CHN1: variants seen among roughly 807,000 people sequenced by gnomAD.
CHN1 encodes N-chimaerin.
A neutral mutation model predicts 59.5 loss-of-function variants in CHN1; 37 were observed. The ratio of observed to expected loss-of-function variants is 0.62; its 90% CI spans 0.48 to 0.82. The LOEUF (loss-of-function observed/expected upper bound fraction) is 0.82. CHN1 is among the 40% of genes least tolerant of loss of function. CHN1 has a pLI of 0.00. For missense variants in CHN1, 469 were observed against 571.0 expected (o/e 0.82, Z 1.82); for synonymous variants, 206 against 200.4 (o/e 1.03, Z -0.24).
chr2:174,952,857 T>C lies in CHN1; in HGVS notation c.20-655A>G, dbSNP rs144305231. Reference sequence around the variant, plus strand: ...CCCTCATGTTGCCTGAGTGCAGATGTAGGAGACAGTATAAATAGGAAGTGG... The same window carrying C: ...CCCTCATGTTGCCTGAGTGCAGATGCAGGAGACAGTATAAATAGGAAGTGG... On this transcript the variant is annotated intron_variant, in intron 1 of 12. Coordinates refer to ENST00000409900, the MANE Select transcript of CHN1 (RefSeq NM_001822.7). Among the ~76,000 whole-genome samples the C allele has an allele frequency of 7.0e-4, 107 of 152,240 alleles. 2 individuals are homozygous for C. The highest frequency in any genetic ancestry group is 3.4e-3 in the Middle Eastern group (1 of 292).
rs1426274175 is a variant in CHN1, at chr2:174,922,149, T to C, written c.115-3584A>G. On this transcript the variant is annotated intron_variant, in intron 3 of 12. Coordinates refer to ENST00000409900, the MANE Select transcript of CHN1 (RefSeq NM_001822.7). ...TCTAGTTTTAGTACAGAGCTTAGAG[T>C]GGGGTCAGGCAACTGCTTGAGAATA... Among the ~76,000 whole-genome samples, 3 of 152,158 alleles carry C rather than the reference T, an allele frequency of 2.0e-5. No homozygotes were observed. In the South Asian group the frequency reaches 6.2e-4, roughly 32 times the overall value.
intron 5 of CHN1, among the ~76,000 whole-genome samples, chr2:174,888,581 C>T (rs1687958637): frequency 6.6e-6 from 1 of 152,142 alleles, no homozygotes; most frequent in Non-Finnish European, 1.5e-5. Context: ...AAGAGAACTT[C>T]AGAAACCAGT....
At chr2:174,811,868 C>G (rs780205114) in intron 9 of CHN1, among the ~76,000 whole-genome samples, 15 of 152,240 alleles carry the variant, frequency 9.9e-5, no homozygotes, top group African/African-American at 3.6e-4. Flanking sequence ...ATCATAAATT[C>G]TTTTACATAA....
intron 7 of CHN1, among the ~76,000 whole-genome samples, chr2:174,846,148 C>A: frequency 6.6e-6 from 1 of 152,108 alleles, no homozygotes; most frequent in South Asian, 2.1e-4. Flanking sequence ...TGTTTAATCT[C>A]TGAATTAGAT....
rs1462699443 is a variant in CHN1, at chr2:174,842,702, G to T, written c.627+4178C>A. On this transcript the variant is annotated intron_variant, in intron 7 of 12. Coordinates refer to ENST00000409900, the MANE Select transcript of CHN1 (RefSeq NM_001822.7). ...GCCACTGCCGCCCTTCAGTTCACCA[G>T]ACAGCACAGTGTCCAGTCTGTTGGC... Among the ~76,000 whole-genome samples the T allele has an allele frequency of 2.0e-5, 3 of 152,210 alleles. No homozygotes were observed. The East Asian group carries it at 5.8e-4, about 29-fold the overall frequency.
At chr2:174,940,307 G>A (rs1361615366) in intron 3 of CHN1, among the ~76,000 whole-genome samples, 3 of 152,100 alleles carry the variant, frequency 2.0e-5, no homozygotes, top group African/African-American at 7.2e-5. Context: ...GATTATAGGC[G>A]TGAGCCGCCA....
At chr2:174,808,880 T>C (rs1684987545) in intron 11 of CHN1, 25 bp downstream of exon 11, 2 of 1,611,844 alleles carry the variant, frequency 1.2e-6, no homozygotes, top group East Asian at 4.5e-5. Context: ...GTCAGGTTAT[T>C]TGAAATACAT....
intron 3 of CHN1, among the ~76,000 whole-genome samples, chr2:174,940,069 G>A (rs766663905): frequency 5.3e-5 from 8 of 152,038 alleles, no homozygotes; most frequent in South Asian, 2.1e-4. Flanking sequence ...TTCCTCTGTT[G>A]CCCAAGCTGG....
chr2:175,002,377 G>A (rs1287233516), intron 1 of CHN1, among the ~76,000 whole-genome samples: 1 of 152,104 alleles, frequency 6.6e-6, no homozygotes, highest in African/African-American at 2.4e-5. Flanking sequence ...AAGCAGCAAA[G>A]GTGATTAACA....
In CHN1 at chr2:174,800,002, TG is replaced by T; in HGVS notation, c.*113del. ...AACAGAAAGTTCCTTCACTTTAATC[TG>T]GTTATATGCCCAAACCTCTAATCAA... On this transcript the variant is annotated 3_prime_UTR_variant, in exon 13 of 13. Transcript: ENST00000409900. 1 of 1,002,674 alleles carries T rather than the reference TG, an allele frequency of 1.0e-6. No homozygotes were observed. The highest frequency in any genetic ancestry group is 1.5e-6 in the Non-Finnish European group (1 of 660,072). 62.1% of individuals were successfully genotyped at this position (1,002,674 alleles called of 1,614,324 possible). A position where few individuals can be genotyped will look rare whatever the true frequency, so the allele number is the denominator to read the frequency against.
intron 1 of CHN1, among the ~76,000 whole-genome samples, chr2:174,986,172 A>C (rs1691334459): frequency 6.6e-6 from 1 of 152,196 alleles, no homozygotes; most frequent in Non-Finnish European, 1.5e-5. Flanking sequence ...TTATGTAATG[A>C]AGCTTGAGAA....
intron 1 of CHN1, among the ~76,000 whole-genome samples, chr2:174,957,155 T>C (rs1041388967): frequency 3.3e-4 from 51 of 152,318 alleles, no homozygotes; most frequent in Non-Finnish European, 6.6e-4. Flanking sequence ...ATCACAGCCT[T>C]CTTGCTCTTA....
intron 4 of CHN1, among the ~76,000 whole-genome samples, chr2:174,917,267 TC>T (rs1688874206): frequency 6.6e-6 from 1 of 152,080 alleles, no homozygotes; most frequent in African/African-American, 2.4e-5. Flanking sequence ...ACCCCGTCTG[TC>T]CTAAAAATAC....
intron 5 of CHN1, among the ~76,000 whole-genome samples, chr2:174,899,398 G>A (rs1470992271): frequency 1.3e-5 from 2 of 152,156 alleles, no homozygotes; most frequent in African/African-American, 2.4e-5. Flanking sequence ...GTCAACTCTA[G>A]ATTGTGTAAA....
intron 5 of CHN1, among the ~76,000 whole-genome samples, chr2:174,908,243 G>C (rs1007034500): frequency 6.6e-6 from 1 of 152,154 alleles, no homozygotes; most frequent in African/African-American, 2.4e-5. Flanking sequence ...TTTAAAATCT[G>C]TAAGGATACA....
chr2:174,940,017 TTTTA>T (rs1312553031), intron 3 of CHN1, among the ~76,000 whole-genome samples: 8 of 149,604 alleles, frequency 5.3e-5, no homozygotes, highest in African/African-American at 1.8e-4. Flanking sequence ...TAATTATTAC[TTTTA>T]TTTTATTTTA....
intron 7 of CHN1, among the ~76,000 whole-genome samples, chr2:174,830,647 G>C (rs1213506532): frequency 1.5e-4 from 23 of 152,184 alleles, no homozygotes; most frequent in Admixed American, 1.5e-3. Flanking sequence ...AAATGCACCA[G>C]GCACTTGCTG....
chr2:174,882,236 T>C (rs1687758988), intron 5 of CHN1, among the ~76,000 whole-genome samples: 1 of 152,212 alleles, frequency 6.6e-6, no homozygotes, highest in African/African-American at 2.4e-5. Flanking sequence ...TTTTAACTGC[T>C]ACTGTTGTAC....
chr2:174,971,876 A>C (rs1403509093), intron 1 of CHN1, among the ~76,000 whole-genome samples: 4 of 152,210 alleles, frequency 2.6e-5, no homozygotes, highest in Non-Finnish European at 5.9e-5. Flanking sequence ...CAATAAGAAG[A>C]AGCCAAAATA....
Sources: gnomAD v4.1 joint callset for allele counts (sites outside exome capture counted in the v4.1 genomes callset) on GRCh38, gnomAD v4.1.1 for gene constraint, MANE v1.5 for transcripts, NCBI Gene and HGNC (gene_info 2026-07-23, HGNC 2026-07-21) for gene names.